Variants in CACUL1 observed in about 807,000 individuals in gnomAD.
CACUL1 encodes the protein CDK2 associated cullin domain 1, also known as CDK2-associated and cullin domain-containing protein 1.
Under a neutral mutation model 45.2 loss-of-function variants are expected in CACUL1, and 13 were observed. That is an observed-to-expected ratio of 0.29 (90% CI 0.19 to 0.46). CACUL1 has a LOEUF of 0.46. CACUL1 is among the 20% of genes least tolerant of loss of function. The pLI, the probability that CACUL1 is intolerant of heterozygous loss-of-function variation, is 1.00. For missense variants in CACUL1, 421 were observed against 471.4 expected (o/e 0.89, Z 0.99); for synonymous variants, 197 against 174.2 (o/e 1.13, Z -1.03).
chr10:118,745,895 T>C (rs1411847075), intron 1 of CACUL1, among the ~76,000 whole-genome samples: 1 of 151,714 alleles, frequency 6.6e-6, no homozygotes, highest in Non-Finnish European at 1.5e-5. Context: ...TCCCAGCACT[T>C]TGGGAAGCCG....
At chr10:118,695,491 G>A (rs1221528417) in intron 5 of CACUL1, among the ~76,000 whole-genome samples, 1 of 152,104 alleles carries the variant, frequency 6.6e-6, no homozygotes, top group Non-Finnish European at 1.5e-5. Flanking sequence ...CTTTCTAAAA[G>A]CACTAGTATA....
chr10:118,718,584 T>C (rs1845569295), intron 3 of CACUL1, among the ~76,000 whole-genome samples: 1 of 152,004 alleles, frequency 6.6e-6, no homozygotes, highest in Non-Finnish European at 1.5e-5. Context: ...TTTATTATTC[T>C]TATTTCTTTG....
chr10:118,706,200 T>C (rs1365466262), intron 4 of CACUL1, among the ~76,000 whole-genome samples: 4 of 152,246 alleles, frequency 2.6e-5, no homozygotes, highest in Non-Finnish European at 5.9e-5. Context: ...TTTGTTTTTA[T>C]TACTCACGCA....
rs1845310867 is a variant in CACUL1 at position 118,695,199 on chromosome 10, A to C, written c.828T>G (p.Phe276Leu). 1 of 1,608,526 alleles carries C rather than the reference A, an allele frequency of 6.2e-7. No individual in the cohort carries two copies. Among genetic ancestry groups the C allele is most frequent in the Non-Finnish European group, 8.5e-7 (1 of 1,175,114 alleles). ...TTGCCATAGTTGAAGGTGTGACCTG[A>C]AATGGTGTTGACTGGGCTTCTAAAA... ...PLLLEAQSTP[F>L]QVTPSTMANI... Residue 276 changes from phenylalanine to leucine, a missense_variant, in exon 6 of 9, where the codon TTT becomes TTG. Around this residue, in one of 2 missense-constraint regions of CACUL1, gnomAD observed 208 missense variants for 298.4 expected, o/e 0.70. Transcript: ENST00000369151.
intron 3 of CACUL1, among the ~76,000 whole-genome samples, chr10:118,722,136 T>G (rs1845606854): frequency 6.6e-6 from 1 of 151,144 alleles, no homozygotes; most frequent in East Asian, 1.9e-4. Context: ...CAGGCTAGAG[T>G]GCAATGGTGC....
At chr10:118,698,941 A>G (rs531026924) in intron 5 of CACUL1, among the ~76,000 whole-genome samples, 1 of 152,190 alleles carries the variant, frequency 6.6e-6, no homozygotes, top group Non-Finnish European at 1.5e-5. Context: ...TAAAGGGGTA[A>G]GTAATATAAA....
intron 1 of CACUL1, among the ~76,000 whole-genome samples, chr10:118,744,610 C>G (rs1269279833): frequency 6.6e-6 from 1 of 152,132 alleles, no homozygotes; most frequent in Non-Finnish European, 1.5e-5. Flanking sequence ...GAATTATTCA[C>G]TTTAAAATAG....
At chr10:118,711,007 A>G (rs1345489901) in intron 3 of CACUL1, among the ~76,000 whole-genome samples, 1 of 152,224 alleles carries the variant, frequency 6.6e-6, no homozygotes, top group African/African-American at 2.4e-5. Context: ...AGTATTACAC[A>G]TGTATATGCA....
At position 118,677,202 on chromosome 10, in the gene CACUL1, T is replaced by TA. The variant is rs1486916309; in HGVS notation, c.*8925dup. 2 of 152,216 alleles carry TA rather than the reference T, an allele frequency of 1.3e-5. No individual in the cohort carries two copies. The highest frequency in any genetic ancestry group is 4.8e-5 in the African/African-American group (2 of 41,446). The allele number at this position is 152,216 out of a possible 1,614,324, so 9.4% of individuals were successfully genotyped here. On this transcript the variant is annotated 3_prime_UTR_variant, in exon 9 of 9. Coordinates refer to ENST00000369151, the MANE Select transcript of CACUL1 (RefSeq NM_153810.5). Reference sequence around the variant, plus strand: ...TTTTCTAAATTACCTTCCATTGACTTATCTGTTTACCCTGGCATAAGTCTT... The same window carrying TA: ...TTTTCTAAATTACCTTCCATTGACTTAATCTGTTTACCCTGGCATAAGTCTT...
intron 1 of CACUL1, among the ~76,000 whole-genome samples, chr10:118,740,559 G>A (rs907364268): frequency 5.3e-5 from 8 of 151,888 alleles, no homozygotes; most frequent in African/African-American, 9.7e-5. Flanking sequence ...ACAGTGAGCC[G>A]AGATCACGCC....
At chr10:118,700,402 AG>A (rs1403188225) in intron 5 of CACUL1, among the ~76,000 whole-genome samples, 1 of 152,022 alleles carries the variant, frequency 6.6e-6, no homozygotes. Context: ...ACCTACTGCG[AG>A]GGGGAAGAGG....
intron 7 of CACUL1, among the ~76,000 whole-genome samples, chr10:118,688,238 C>T (rs1241465972): frequency 4.6e-5 from 7 of 152,296 alleles, no homozygotes; most frequent in South Asian, 4.1e-4. Context: ...TCTAACAGGC[C>T]GGCCCTCAGG....
chr10:118,698,214 G>T (rs1845342313), intron 5 of CACUL1, among the ~76,000 whole-genome samples: 1 of 151,142 alleles, frequency 6.6e-6, no homozygotes, highest in South Asian at 2.1e-4. Context: ...GGCGATCTTG[G>T]CTCACTGCAA....
chr10:118,701,454 T>C, intron 4 of CACUL1, 46 bp from the exon 5 acceptor site: 1 of 1,102,374 alleles, frequency 9.1e-7, no homozygotes, highest in Non-Finnish European at 1.3e-6. Context: ...ATTGGGGAAA[T>C]GATTAGTCTA....
chr10:118,702,446 C>CA (rs941289058), intron 4 of CACUL1, among the ~76,000 whole-genome samples: 1 of 152,192 alleles, frequency 6.6e-6, no homozygotes, highest in Non-Finnish European at 1.5e-5. Context: ...CAACCCTGGA[C>CA]ACAGCCTTAT....
chr10:118,698,909 T>G (rs961220882), intron 5 of CACUL1, among the ~76,000 whole-genome samples: 1 of 55,090 alleles, frequency 1.8e-5, no homozygotes, highest in Non-Finnish European at 4.6e-5. Flanking sequence ...AGAAATTGAA[T>G]GTAGTTATTT....
In CACUL1 at chr10:118,683,840, A is replaced by T. The variant is rs1406813894; in HGVS notation, c.*2288T>A. On this transcript the variant is annotated 3_prime_UTR_variant, in exon 9 of 9. Transcript: ENST00000369151. ...GAATCCCAATAAATAAGCAAAGTCT[A>T]TTTCAACTTAAACAGGTCCTTCAAA... is the stretch of plus-strand genomic sequence containing the variant. The T allele has an allele frequency of 6.6e-6, 1 of 152,170 alleles. No homozygotes were observed. Among genetic ancestry groups the T allele is most frequent in the Non-Finnish European group, 1.5e-5 (1 of 68,016 alleles). The allele number at this position is 152,170 out of a possible 1,614,324, so 9.4% of individuals were successfully genotyped here. A position where few individuals can be genotyped will look rare whatever the true frequency, so the allele number is the denominator to read the frequency against.
rs1329478946 is a variant in CACUL1 at position 118,677,648 on chromosome 10, A to G, written c.*8480T>C. The G allele has an allele frequency of 2.6e-5, 4 of 152,156 alleles. No individual in the cohort carries two copies. Among genetic ancestry groups the G allele is most frequent in the African/African-American group, 9.7e-5 (4 of 41,438 alleles). The allele number at this position is 152,156 out of a possible 1,614,324, so 9.4% of individuals were successfully genotyped here. On this transcript the variant is annotated 3_prime_UTR_variant, in exon 9 of 9. Coordinates refer to ENST00000369151, the MANE Select transcript of CACUL1 (RefSeq NM_153810.5). ...CCCATGCTGGCTCTATTCTGACTTC[A>G]CTCAATGATTTCTGAGATGCATCCA...
chr10:118,725,606 T>A (rs896105832), intron 3 of CACUL1, among the ~76,000 whole-genome samples: 9 of 152,186 alleles, frequency 5.9e-5, no homozygotes, highest in African/African-American at 2.2e-4. Flanking sequence ...CAGTGAAATA[T>A]AATAGTAAGG....
Sources: allele counts gnomAD v4.1 joint callset (sites outside exome capture counted in the v4.1 genomes callset), GRCh38; gene constraint gnomAD v4.1.1; regional missense constraint gnomAD v4.1.1; transcripts MANE v1.5; gene names NCBI Gene and HGNC (gene_info 2026-07-23, HGNC 2026-07-21).